Variants in ODAD2 observed in about 807,000 individuals in gnomAD.
The protein encoded by ODAD2 is outer dynein arm docking complex subunit 2.
ODAD2 carries 89 observed loss-of-function variants against 106.8 expected under a neutral mutation model. The ratio of observed to expected loss-of-function variants is 0.83; its 90% CI spans 0.70 to 0.99. The LOEUF (loss-of-function observed/expected upper bound fraction) is 0.99, where lower values mean the gene tolerates loss of function less well. Ranked by LOEUF, ODAD2 falls within the 50% of genes least tolerant of loss-of-function variation. The pLI is 0.00. For synonymous variants in ODAD2, 404 were observed against 436.2 expected (o/e 0.93, Z 0.92); for missense variants, 1,168 against 1,238.5 (o/e 0.94, Z 0.85).
chr10:27,998,887 G>C, intron 1 of ODAD2, 107 bp downstream of exon 1: 1 of 152,756 alleles, frequency 6.5e-6, no homozygotes. Context: ...CGCGCACGCC[G>C]GCGCCCTTGT....
rs1393641859 is a variant in ODAD2, at chr10:27,981,545, C to A, written c.857G>T (p.Arg286Ile). 1 of 1,538,924 alleles carries A rather than the reference C, an allele frequency of 6.5e-7. No individual in the cohort carries two copies. Among genetic ancestry groups the A allele is most frequent in the Non-Finnish European group, 8.6e-7 (1 of 1,156,418 alleles). Residue 286 changes from arginine (R) to isoleucine (I), a missense_variant, in exon 7 of 20, where the codon AGA becomes ATA. By Grantham distance (97) the Arg-to-Ile change is moderately conservative. Coordinates refer to ENST00000305242, the MANE Select transcript of ODAD2 (RefSeq NM_018076.5). ...TDDEGDVNYE[R>I]KGSIYKNLVT... ...AAGGTTTTTATAAATTGAACCTTTT[C>A]TCTCATAATTAACGTCCCCTTCATC...
chr10:27,833,029 T>G (rs1054969643), intron 19 of ODAD2, among the ~76,000 whole-genome samples: 3 of 152,202 alleles, frequency 2.0e-5, no homozygotes, highest in African/African-American at 7.2e-5. Flanking sequence ...ATGAAATTGT[T>G]ACCTTAAGAG....
intron 10 of ODAD2, chr10:27,959,105 T>G: frequency 4.4e-6 from 4 of 911,162 alleles, no homozygotes; most frequent in Non-Finnish European, 5.9e-6. Flanking sequence ...GGGAGGCCAA[T>G]GTAGGAAGAC....
intron 13 of ODAD2, 96 bp downstream of exon 13, chr10:27,940,467 G>C (rs995652013): frequency 3.2e-5 from 46 of 1,440,642 alleles, no homozygotes; most frequent in Non-Finnish European, 4.3e-5. Flanking sequence ...TCTAGAAAAA[G>C]AATGTCCTTG....
chr10:27,950,895 T>C (rs987849076), intron 10 of ODAD2, among the ~76,000 whole-genome samples: 7 of 152,184 alleles, frequency 4.6e-5, no homozygotes, highest in South Asian at 2.1e-4. Context: ...TGAATAATTA[T>C]GATAATTAAT....
rs1444213907 is a variant in ODAD2 at position 27,936,742 on chromosome 10, T to C, written c.2236A>G (p.Lys746Glu). 1.2e-6 allele frequency: 2 copies of C among 1,613,926 alleles called. No homozygotes were observed. The highest frequency in any genetic ancestry group is 1.7e-6 in the Non-Finnish European group (2 of 1,179,930). Residue 746 changes from lysine (K) to glutamate (E), a missense_variant, in exon 15 of 20, where the codon AAA (lysine) becomes GAA (glutamate). Coordinates refer to ENST00000305242, the MANE Select transcript of ODAD2 (RefSeq NM_018076.5). ...TGAIWKCSIS[K>E]ENVTKFREYK... ...TTCTCTTACTTGGTAACATTCTCTT[T>C]GCTGATGGAACATTTCCATATAGCC...
chr10:27,945,510 G>A (rs1169131669), intron 10 of ODAD2, among the ~76,000 whole-genome samples: 3 of 152,204 alleles, frequency 2.0e-5, no homozygotes, highest in Admixed American at 1.3e-4. Context: ...GGGATGGGCA[G>A]GACGAAGAAG....
In ODAD2 at chr10:27,944,805, G is replaced by C; in HGVS notation, c.1533+11C>G. 6.2e-7 allele frequency: 1 copy of C among 1,614,076 alleles called. No homozygotes were observed. Among genetic ancestry groups the C allele is most frequent in the Non-Finnish European group, 8.5e-7 (1 of 1,179,970 alleles). On this transcript the variant is annotated intron_variant, in intron 11 of 19. Coordinates refer to ENST00000305242, the MANE Select transcript of ODAD2 (RefSeq NM_018076.5). ...ACAAGACTCCGCATCCAAGGTGACA[G>C]AGCCACTCACCTTACATTTGACTTC...
intron 10 of ODAD2, among the ~76,000 whole-genome samples, chr10:27,954,355 G>A (rs755101661): frequency 5.9e-5 from 9 of 152,242 alleles, no homozygotes; most frequent in Middle Eastern, 3.4e-3. Flanking sequence ...GAAATTCCCC[G>A]AAAAGATCTA....
At chr10:27,898,032 T>C (rs1842965119) in intron 17 of ODAD2, among the ~76,000 whole-genome samples, 1 of 151,930 alleles carries the variant, frequency 6.6e-6, no homozygotes, top group Non-Finnish European at 1.5e-5. Flanking sequence ...TAATAGATAA[T>C]TAGATTTGGA....
intron 16 of ODAD2, among the ~76,000 whole-genome samples, chr10:27,915,178 C>T (rs1221937497): frequency 6.6e-6 from 1 of 151,960 alleles, no homozygotes; most frequent in African/African-American, 2.4e-5. Context: ...TGGCTGAAAC[C>T]CAAAGGTAAA....
At chr10:27,893,306 A>C (rs1389665638) in intron 17 of ODAD2, among the ~76,000 whole-genome samples, 2 of 152,228 alleles carry the variant, frequency 1.3e-5, no homozygotes, top group Non-Finnish European at 2.9e-5. Flanking sequence ...TGTGTATAAC[A>C]ATATAAAAAA....
chr10:27,887,672 G>A (rs1156424510), intron 17 of ODAD2, among the ~76,000 whole-genome samples: 3 of 151,792 alleles, frequency 2.0e-5, no homozygotes, highest in Non-Finnish European at 4.4e-5. Context: ...TGCAGCAGAA[G>A]GAAAAGTGGA....
intron 19 of ODAD2, among the ~76,000 whole-genome samples, chr10:27,846,939 C>A (rs188325583): frequency 8.5e-4 from 129 of 152,214 alleles, no homozygotes; most frequent in African/African-American, 3.0e-3. Flanking sequence ...TAATAGCCTA[C>A]CAACCAAAAA....
chr10:27,812,605 C>A lies in ODAD2; in HGVS notation c.3042G>T (p.Gly1014=), dbSNP rs1165275998. Residue 1014 remains glycine, a synonymous_variant, in exon 20 of 20, where the codon GGG becomes GGT. Transcript: ENST00000305242. ...GAVKLLLDMV[G]SPDQDLQEAA... is the part of the protein sequence containing the mutation. The stretch of plus-strand genomic sequence containing the variant: ...CTTCCTGGAGATCCTGGTCAGGGGA[C>A]CCAACCATATCCAGTAGAAGCTGTC... 1.2e-6 allele frequency: 2 copies of A among 1,610,778 alleles called. No individual in the cohort carries two copies. Among genetic ancestry groups the A allele is most frequent in the East Asian group, 4.5e-5 (2 of 44,634 alleles).
At chr10:27,864,604 T>C (rs1202720356) in intron 17 of ODAD2, among the ~76,000 whole-genome samples, 3 of 137,422 alleles carry the variant, frequency 2.2e-5, no homozygotes, top group Non-Finnish European at 4.7e-5. Flanking sequence ...GAGTGGGGAG[T>C]GAGGTGAGAG....
In ODAD2 at chr10:27,812,413, G is replaced by A; in HGVS notation, c.*99C>T. ...TGTTTTCATTTAGATGGTTGAAAGGGTTTGCTAACAACTGTTTCCCAATTT... is the reference window on the plus strand; with the variant it reads ...TGTTTTCATTTAGATGGTTGAAAGGATTTGCTAACAACTGTTTCCCAATTT... On this transcript the variant is annotated 3_prime_UTR_variant, in exon 20 of 20. Transcript: ENST00000305242. 2 of 1,099,878 alleles carry A rather than the reference G, an allele frequency of 1.8e-6. No individual in the cohort carries two copies. Among genetic ancestry groups the A allele is most frequent in the Non-Finnish European group, 2.6e-6 (2 of 762,678 alleles). The allele number at this position is 1,099,878 out of a possible 1,614,324, so 68.1% of individuals were successfully genotyped here.
intron 19 of ODAD2, among the ~76,000 whole-genome samples, chr10:27,856,535 C>T (rs528422766): frequency 1.1e-4 from 16 of 152,284 alleles, no homozygotes; most frequent in South Asian, 6.2e-4. Context: ...CTGCCAAAAA[C>T]ATCTCATCCA....
At chr10:27,999,201 ACT>A (rs1328079594), upstream of ODAD2, among the ~76,000 whole-genome samples, 1 of 152,118 alleles carries the variant, frequency 6.6e-6, no homozygotes, top group African/African-American at 2.4e-5. Context: ...GTGCACCCTA[ACT>A]CACTCCACGC....
Sources: gnomAD v4.1 joint callset for allele counts (sites outside exome capture counted in the v4.1 genomes callset) on GRCh38, gnomAD v4.1.1 for gene constraint, MANE v1.5 for transcripts, NCBI Gene and HGNC (gene_info 2026-07-23, HGNC 2026-07-21) for gene names.